The following IFT46 variants were observed in gnomAD, a reference collection of about 807,000 sequenced individuals.
IFT46 encodes the protein intraflagellar transport protein 46 homolog.
IFT46 carries 19 observed loss-of-function variants against 39.6 expected under a neutral mutation model. The observed-to-expected ratio is 0.48, with a 90% CI of 0.33 to 0.70. The LOEUF is 0.70. Ranked by LOEUF, IFT46 falls within the 30% of genes least tolerant of loss-of-function variation. The pLI is 0.01. For synonymous variants in IFT46, 117 were observed against 134.8 expected (o/e 0.87, Z 0.91); for missense variants, 334 against 364.8 (o/e 0.92, Z 0.69).
intron 9 of IFT46, among the ~76,000 whole-genome samples, chr11:118,550,058 C>T (rs552095783): frequency 1.3e-5 from 2 of 152,174 alleles, no homozygotes; most frequent in Non-Finnish European, 2.9e-5. Flanking sequence ...CCTCAGCCTC[C>T]CAAGTAGCTG....
chr11:118,553,490 T>C (rs573413230), intron 7 of IFT46, among the ~76,000 whole-genome samples: 1 of 150,126 alleles, frequency 6.7e-6, no homozygotes, highest in East Asian at 1.9e-4. Context: ...ATGGTTAGAA[T>C]GAAAAATACA....
Position 118,544,874 on chromosome 11 carries a change from G to C in IFT46, c.*42C>G, listed in dbSNP as rs937804156. The C allele has an allele frequency of 7.1e-7, 1 of 1,407,174 alleles. No homozygotes were observed. The highest frequency in any genetic ancestry group is 1.0e-6 in the Non-Finnish European group (1 of 994,554). 87.2% of individuals were successfully genotyped at this position (1,407,174 alleles called of 1,614,324 possible). A position where few individuals can be genotyped will look rare whatever the true frequency, so the allele number is the denominator to read the frequency against. On this transcript the variant is annotated 3_prime_UTR_variant, in exon 12 of 12. Transcript: ENST00000264021. ...CGATCTGTCCATCTCAGCTGGGGCA[G>C]AGGGGCCAGCTCAGCCTTGAAACAG... is the stretch of plus-strand genomic sequence containing the variant.
At chr11:118,555,114 C>CA in intron 5 of IFT46, 31 bp from the exon 6 acceptor site, 1 of 1,573,400 alleles carries the variant, frequency 6.4e-7, no homozygotes, top group East Asian at 2.2e-5. Context: ...AAGGTGGAGA[C>CA]AGTCAGAAAA....
At chr11:118,549,925 CTT>C (rs1205953002) in intron 9 of IFT46, among the ~76,000 whole-genome samples, 8 of 135,964 alleles carry the variant, frequency 5.9e-5, no homozygotes, top group Admixed American at 7.4e-5. Flanking sequence ...TCCATTATGA[CTT>C]TTTTTTTTTT....
intron 9 of IFT46, among the ~76,000 whole-genome samples, chr11:118,547,744 C>CTTTT (rs1233612951): frequency 1.6e-4 from 15 of 91,190 alleles, no homozygotes; most frequent in Non-Finnish European, 2.5e-4. Context: ...CTTTTCTTTT[C>CTTTT]TTTTTTTTTT....
intron 9 of IFT46, chr11:118,546,444 T>C (rs782701772): frequency 6.5e-5 from 25 of 385,688 alleles, no homozygotes; most frequent in Middle Eastern, 1.6e-3. Context: ...TGAGCTGAGA[T>C]TGAGCTACTG....
At chr11:118,552,128 C>T in intron 8 of IFT46, 86 bp downstream of exon 8, 1 of 1,506,304 alleles carries the variant, frequency 6.6e-7, no homozygotes, top group Non-Finnish European at 9.1e-7. Context: ...ATGTTCCCAG[C>T]CTCTGGGCCT....
chr11:118,547,697 C>T (rs1349183458), intron 9 of IFT46, among the ~76,000 whole-genome samples: 1 of 151,274 alleles, frequency 6.6e-6, no homozygotes, highest in Non-Finnish European at 1.5e-5. Flanking sequence ...GCTGGGATTA[C>T]AGGCATGAGC....
intron 3 of IFT46, among the ~76,000 whole-genome samples, chr11:118,558,892 G>A (rs370958083): frequency 4.8e-5 from 7 of 146,490 alleles, no homozygotes; most frequent in African/African-American, 1.3e-4. Context: ...CAGCCTGGGT[G>A]AAAGAGCAAG....
chr11:118,565,467 G>A (rs1555071300), intron 1 of IFT46: 1 of 79,874 alleles, frequency 1.3e-5, no homozygotes, highest in Non-Finnish European at 2.3e-5. Flanking sequence ...CTGGGGTGGG[G>A]TGGGGTGGGG....
intron 2 of IFT46, chr11:118,560,772 C>A: frequency 1.4e-6 from 1 of 710,736 alleles, no homozygotes. Flanking sequence ...GAGGGTAAAA[C>A]TGGTTACTAT....
In IFT46 at chr11:118,544,965, G is replaced by A. The variant is rs1555066660; in HGVS notation, c.866C>T (p.Ser289Phe). The A allele has an allele frequency of 2.5e-6, 4 of 1,613,862 alleles. No homozygotes were observed. Among genetic ancestry groups the A allele is most frequent in the Non-Finnish European group, 2.5e-6 (3 of 1,179,888 alleles). The change falls in exon 12 of 12, where the codon TCC becomes TTC. Residue 289 changes from serine to phenylalanine, a missense_variant. Transcript: ENST00000264021. ...AEGKKAFTPS[S>F]NSTSQAGDME... ...GTCTCCAGCTTGGGAGGTGGAATTG[G>A]ATGAAGGAGTGAATGCTTTCTTGCC...
chr11:118,547,755 T>C (rs1951724254), intron 9 of IFT46, among the ~76,000 whole-genome samples: 1 of 145,662 alleles, frequency 6.9e-6, no homozygotes, highest in Non-Finnish European at 1.5e-5. Context: ...TTTTTTTTTT[T>C]TTTTTTTTTG....
At chr11:118,557,747 C>T in intron 3 of IFT46, 2 of 1,614,042 alleles carry the variant, frequency 1.2e-6, no homozygotes, top group South Asian at 2.2e-5. Flanking sequence ...CCTTTCTGTG[C>T]TTCTGGCTCT....
chr11:118,550,781 C>T lies in IFT46; in HGVS notation c.672+1005G>A, dbSNP rs570568929. ...CGGTGGCTCACGCCTATAATCCCAG[C>T]ACTTTGGGAGGCAGAGGCGGGTGGA... On this transcript the variant is annotated intron_variant, in intron 9 of 11. Coordinates refer to ENST00000264021, the MANE Select transcript of IFT46 (RefSeq NM_001168618.2). Among the ~76,000 whole-genome samples, 23 of 152,286 alleles carry T rather than the reference C, an allele frequency of 1.5e-4. No homozygotes were observed. In the East Asian group the frequency reaches 4.4e-3, roughly 29 times the overall value.
At chr11:118,556,284 G>A (rs1458204846) in intron 4 of IFT46, among the ~76,000 whole-genome samples, 2 of 152,188 alleles carry the variant, frequency 1.3e-5, no homozygotes, top group African/African-American at 2.4e-5. Context: ...GAGGTCAGGA[G>A]ATCGAGACCA....
At chr11:118,555,398 T>A in intron 4 of IFT46, 76 bp from the exon 5 acceptor site, 1 of 1,063,528 alleles carries the variant, frequency 9.4e-7, no homozygotes, top group South Asian at 1.3e-5. Flanking sequence ...GCTGGTGTGT[T>A]ACTGACTATA....
intron 2 of IFT46, chr11:118,561,491 C>T (rs1938053972): frequency 1.3e-6 from 1 of 767,964 alleles, no homozygotes; most frequent in Non-Finnish European, 2.3e-6. Context: ...GTGGAACTGT[C>T]CCAAAATGTC....
upstream of IFT46, among the ~76,000 whole-genome samples, chr11:118,569,243 C>T (rs1555072026): frequency 6.6e-6 from 1 of 151,308 alleles, no homozygotes; most frequent in African/African-American, 2.4e-5. Flanking sequence ...CATACCATTG[C>T]ACTCCAGCCC....
Sources: allele counts gnomAD v4.1 joint callset (sites outside exome capture counted in the v4.1 genomes callset), GRCh38; gene constraint gnomAD v4.1.1; transcripts MANE v1.5; gene names NCBI Gene and HGNC (gene_info 2026-07-23, HGNC 2026-07-21).